PCDHA6: variants seen among roughly 807,000 people sequenced by gnomAD.
PCDHA6 encodes the protein protocadherin alpha-6.
In PCDHA6, 55 loss-of-function variants were observed where a neutral mutation model predicts 60.3. That is an observed-to-expected ratio of 0.91 (90% confidence interval 0.73 to 1.14). PCDHA6 has a LOEUF of 1.14. Ranked by LOEUF, PCDHA6 falls within the 50% of genes most tolerant of loss-of-function variation. The probability of loss-of-function intolerance (pLI) is 0.00; values close to 1 mark genes in which losing one functional copy is unlikely to be tolerated. For missense variants in PCDHA6, 1,327 were observed against 1,256.5 expected (o/e 1.06, Z -0.85); for synonymous variants, 652 against 557.9 (o/e 1.17, Z -2.38).
At chr5:140,853,282 C>T in intron 1 of PCDHA6, 5 of 980,348 alleles carry the variant, frequency 5.1e-6, no homozygotes, top group Non-Finnish European at 6.1e-6. Flanking sequence ...TCATCATATG[C>T]AAATTCTCAG....
chr5:140,884,514 C>T (rs368331245), intron 1 of PCDHA6: 3 of 1,614,176 alleles, frequency 1.9e-6, no homozygotes, highest in African/African-American at 1.3e-5. Context: ...GGGAGTTGGT[C>T]GTACTCGCAG....
At position 140,928,057 on chromosome 5, in the gene PCDHA6, G is replaced by T. The variant is rs150006101; in HGVS notation, c.2395-50892G>T. 1.4e-4 allele frequency: 234 copies of T among 1,614,060 alleles called. No individual in the cohort carries two copies. Among genetic ancestry groups the T allele is most frequent in the Non-Finnish European group, 1.9e-4 (219 of 1,180,052 alleles). On this transcript the variant is annotated intron_variant, in intron 1 of 3. Transcript: ENST00000529310. ...TAGTGCAGGCCCTTTTCAGCTGACG[G>T]CTTCCTTTGACAACTACTACAGCCT...
At chr5:140,979,779 G>C (rs778402540) in intron 2 of PCDHA6, among the ~76,000 whole-genome samples, 1 of 152,186 alleles carries the variant, frequency 6.6e-6, no homozygotes, top group Non-Finnish European at 1.5e-5. Flanking sequence ...AAATGGGAAG[G>C]ACCAAGAAAC....
intron 1 of PCDHA6, among the ~76,000 whole-genome samples, chr5:140,950,183 GA>G (rs879992336): frequency 5.9e-5 from 9 of 151,666 alleles, no homozygotes; most frequent in African/African-American, 1.7e-4. Context: ...AATTAAGAAG[GA>G]AAAAAATAGT....
At position 140,852,434 on chromosome 5, in the gene PCDHA6, C is replaced by T. The variant is rs2150516775; in HGVS notation, c.2394+21949C>T. On this transcript the variant is annotated intron_variant, in intron 1 of 3. Transcript: ENST00000529310. ...CTGGGATTATAGGCACATGCCACCG[C>T]GCCCAGCTAATTTTTGTATTTTTAG... 6.7e-4 allele frequency: 121 copies of T among 181,038 alleles called. 6 individuals carry two copies. The highest frequency in any genetic ancestry group is 3.4e-4 in the Admixed American group (5 of 14,894). The allele number at this position is 181,038 out of a possible 1,614,324, so 11.2% of individuals were successfully genotyped here. A position where few individuals can be genotyped will look rare whatever the true frequency, so the allele number is the denominator to read the frequency against.
intron 1 of PCDHA6, among the ~76,000 whole-genome samples, chr5:140,900,492 G>A (rs2068087412): frequency 6.6e-6 from 1 of 152,174 alleles, no homozygotes; most frequent in African/African-American, 2.4e-5. Flanking sequence ...GGTCAGACTG[G>A]TCTCAAATTC....
chr5:140,849,451 C>T lies in PCDHA6; in HGVS notation c.2394+18966C>T, dbSNP rs2150437889. 5.7e-6 allele frequency: 9 copies of T among 1,586,410 alleles called. 1 individual carries two copies. Among genetic ancestry groups the T allele is most frequent in the Non-Finnish European group, 7.8e-6 (9 of 1,160,978 alleles). ...GAAGAAAGTAGAGCACACAAGATCCCAGTCGAGGCTGTCGATAAAGGCTTC... is the reference window on the plus strand; with the variant it reads ...GAAGAAAGTAGAGCACACAAGATCCTAGTCGAGGCTGTCGATAAAGGCTTC... On this transcript the variant is annotated intron_variant, in intron 1 of 3. Coordinates refer to ENST00000529310, the MANE Select transcript of PCDHA6 (RefSeq NM_018909.4).
At position 140,997,829 on chromosome 5, in the gene PCDHA6, C is replaced by G. The variant is rs1294994549; in HGVS notation, c.2543-11798C>G. On this transcript the variant is annotated intron_variant, in intron 3 of 3. Transcript: ENST00000529310. ...GCTGTTGGTATCTATGTTTTCTAAA[C>G]AATACAATATACATTCTTATACATA... 2.0e-5 allele frequency among the ~76,000 whole-genome samples: 3 copies of G among 152,190 alleles called. No homozygotes were observed. The East Asian group carries it at 5.8e-4, about 29-fold the overall frequency.
At chr5:140,993,532 AG>A (rs2097571069) in intron 3 of PCDHA6, among the ~76,000 whole-genome samples, 7 of 152,102 alleles carry the variant, frequency 4.6e-5, no homozygotes, top group African/African-American at 1.7e-4. Context: ...ACAGAGAGAG[AG>A]AGAGATAGAG....
chr5:140,910,944 C>A (rs1177154353), intron 1 of PCDHA6, among the ~76,000 whole-genome samples: 1 of 152,146 alleles, frequency 6.6e-6, no homozygotes, highest in Non-Finnish European at 1.5e-5. Flanking sequence ...TCAAGCAGTT[C>A]TTTTCGAGTG....
At chr5:140,929,317 A>G in intron 1 of PCDHA6, 1 of 1,549,080 alleles carries the variant, frequency 6.5e-7, no homozygotes, top group South Asian at 1.2e-5. Flanking sequence ...CGCTAATGTC[A>G]ATGCCATGGT....
chr5:140,835,607 G>C (rs2150239326), intron 1 of PCDHA6: 11 of 1,613,920 alleles, frequency 6.8e-6, no homozygotes, highest in South Asian at 2.2e-5. Context: ...ATTCATTGGT[G>C]CTGGACAGCG....
chr5:140,929,226 C>G lies in PCDHA6; in HGVS notation c.2395-49723C>G, dbSNP rs782065898. ...TGTTGCGTGGGGAGTACAATGCTGC[C>G]GACCTGCGAAATCTTGCCACTGGGG... is the stretch of plus-strand genomic sequence containing the variant. On this transcript the variant is annotated intron_variant, in intron 1 of 3. Transcript: ENST00000529310. 5.0e-6 allele frequency: 8 copies of G among 1,613,768 alleles called. No homozygotes were observed. In the South Asian group the frequency reaches 8.8e-5, roughly 18 times the overall value.
rs1554141625 is a variant in PCDHA6 at position 140,847,005 on chromosome 5, A to G, written c.2394+16520A>G. On this transcript the variant is annotated intron_variant, in intron 1 of 3. Coordinates refer to ENST00000529310, the MANE Select transcript of PCDHA6 (RefSeq NM_018909.4). Reference sequence around the variant, plus strand: ...AGTTCCCCCCGGGAGAATATTGAGAATGATAGACATTTCTTGGAAAGAGAA... The same window carrying G: ...AGTTCCCCCCGGGAGAATATTGAGAGTGATAGACATTTCTTGGAAAGAGAA... 2.7e-5 allele frequency among the ~76,000 whole-genome samples: 4 copies of G among 149,762 alleles called. 1 individual carries two copies.
At chr5:140,996,697 C>T (rs559736986) in intron 3 of PCDHA6, among the ~76,000 whole-genome samples, 1 of 152,236 alleles carries the variant, frequency 6.6e-6, no homozygotes, top group East Asian at 1.9e-4. Flanking sequence ...TCTTCTGAAC[C>T]TCTATCTCTT....
At chr5:140,887,192 G>A (rs2061344460) in intron 1 of PCDHA6, among the ~76,000 whole-genome samples, 1 of 151,802 alleles carries the variant, frequency 6.6e-6, no homozygotes, top group African/African-American at 2.4e-5. Flanking sequence ...CACCTCCCGG[G>A]TTCACGCCAT....
At chr5:140,954,396 C>T (rs894225724) in intron 1 of PCDHA6, among the ~76,000 whole-genome samples, 3 of 152,176 alleles carry the variant, frequency 2.0e-5, no homozygotes, top group Admixed American at 1.3e-4. Context: ...TTTACAACCC[C>T]ACCAACAGGG....
intron 1 of PCDHA6, among the ~76,000 whole-genome samples, chr5:140,947,550 G>A (rs967081376): frequency 7.3e-5 from 11 of 151,402 alleles, no homozygotes; most frequent in Admixed American, 3.9e-4. Flanking sequence ...AAAGAATTCC[G>A]CTGGGATTTA....
intron 1 of PCDHA6, among the ~76,000 whole-genome samples, chr5:140,976,124 C>G (rs1554237320): frequency 6.6e-6 from 1 of 152,158 alleles, no homozygotes. Flanking sequence ...CAAGTTTAAT[C>G]AAGTTCTGGA....
Sources: allele counts gnomAD v4.1 joint callset (sites outside exome capture counted in the v4.1 genomes callset), GRCh38; gene constraint gnomAD v4.1.1; transcripts MANE v1.5; gene names NCBI Gene and HGNC (gene_info 2026-07-23, HGNC 2026-07-21).